Variants in EXOC6 observed in about 807,000 individuals in gnomAD.
EXOC6 encodes exocyst complex component 6.
A neutral mutation model predicts 112.5 loss-of-function variants in EXOC6; 60 were observed. The observed-to-expected ratio is 0.53, with a 90% CI of 0.43 to 0.66. The LOEUF is 0.66. EXOC6 is among the 30% of genes least tolerant of loss of function. EXOC6 has a pLI of 0.00. For synonymous variants in EXOC6, 295 were observed against 308.0 expected (o/e 0.96, Z 0.44); for missense variants, 855 against 957.1 (o/e 0.89, Z 1.41).
At chr10:93,009,428 C>T (rs890567555) in intron 19 of EXOC6, among the ~76,000 whole-genome samples, 4 of 152,084 alleles carry the variant, frequency 2.6e-5, no homozygotes, top group African/African-American at 9.7e-5. Context: ...CATTATAAGT[C>T]AGGCATTGCG....
chr10:92,904,306 G>A (rs1850328247), intron 5 of EXOC6, among the ~76,000 whole-genome samples: 1 of 151,954 alleles, frequency 6.6e-6, no homozygotes, highest in African/African-American at 2.4e-5. Flanking sequence ...AATTAATGTG[G>A]GTAAATACCT....
At chr10:92,886,422 TCACCTGATG>T (rs1849219902) in intron 1 of EXOC6, among the ~76,000 whole-genome samples, 1 of 152,218 alleles carries the variant, frequency 6.6e-6, no homozygotes, top group African/African-American at 2.4e-5. Context: ...TTGGTTGATT[TCACCTGATG>T]GGTGCAACAG....
rs1554882217 is a variant in EXOC6, at chr10:92,858,032, CG to C, written c.101+9399del. ...TTTTAGTTGACGGGTTCCCCCCCTC[CG>C]CCGGCCAGCAGTTTGAATATGTCTT... On this transcript the variant is annotated intron_variant, in intron 1 of 21. Coordinates refer to ENST00000260762, the MANE Select transcript of EXOC6 (RefSeq NM_019053.6). Among the ~76,000 whole-genome samples, 47 of 142,932 alleles carry C rather than the reference CG, an allele frequency of 3.3e-4. 4 individuals carry two copies. The highest frequency in any genetic ancestry group is 7.3e-4 in the South Asian group (3 of 4,112). 93.8% of individuals were successfully genotyped at this position (142,932 alleles called of 152,430 possible). A position where few individuals can be genotyped will look rare whatever the true frequency, so the allele number is the denominator to read the frequency against.
intron 1 of EXOC6, among the ~76,000 whole-genome samples, chr10:92,877,845 T>C (rs1481773586): frequency 6.6e-6 from 1 of 152,230 alleles, no homozygotes; most frequent in Non-Finnish European, 1.5e-5. Context: ...AAATATATTT[T>C]TGTCATTAGG....
chr10:92,845,832 G>A (rs372912518), upstream of EXOC6, among the ~76,000 whole-genome samples: 1 of 152,054 alleles, frequency 6.6e-6, no homozygotes, highest in South Asian at 2.1e-4. Flanking sequence ...CAGCTACTCC[G>A]GAGGCTGAGG....
intron 1 of EXOC6, among the ~76,000 whole-genome samples, chr10:92,872,318 T>G (rs1216407621): frequency 6.6e-6 from 1 of 152,090 alleles, no homozygotes; most frequent in Non-Finnish European, 1.5e-5. Context: ...TTGTTAAATT[T>G]TGCTACTAAT....
intron 20 of EXOC6, among the ~76,000 whole-genome samples, chr10:93,033,669 G>T (rs2134301711): frequency 6.6e-6 from 1 of 152,282 alleles, no homozygotes; most frequent in East Asian, 1.9e-4. Flanking sequence ...TTTGTTAGTG[G>T]ACTCCTAAAA....
chr10:92,945,025 G>A (rs140791633), intron 13 of EXOC6, among the ~76,000 whole-genome samples: 14 of 152,150 alleles, frequency 9.2e-5, no homozygotes, highest in Admixed American at 2.6e-4. Flanking sequence ...GCCTGCTTCC[G>A]CCTCCCAAAG....
chr10:93,006,193 A>G (rs2134207607), intron 19 of EXOC6, among the ~76,000 whole-genome samples: 1 of 150,948 alleles, frequency 6.6e-6, no homozygotes. Flanking sequence ...CTTAGCCAAA[A>G]AAGAAAAAAA....
chr10:92,859,820 C>CGTGTGTGTGT (rs1564779063), intron 1 of EXOC6, among the ~76,000 whole-genome samples: 1 of 103,412 alleles, frequency 9.7e-6, no homozygotes, highest in African/African-American at 3.7e-5. Flanking sequence ...CGTTTGTGTG[C>CGTGTGTGTGT]ATGTGTGTGT....
intron 20 of EXOC6, among the ~76,000 whole-genome samples, chr10:93,037,191 G>C (rs1845553037): frequency 6.8e-6 from 1 of 147,948 alleles, no homozygotes; most frequent in Non-Finnish European, 1.5e-5. Flanking sequence ...CGCCCAGGCT[G>C]GAGTGCAGTG....
At chr10:92,911,848 G>A (rs1850780580) in intron 6 of EXOC6, among the ~76,000 whole-genome samples, 1 of 150,848 alleles carries the variant, frequency 6.6e-6, no homozygotes. Flanking sequence ...AAGAAAAGTT[G>A]TATTTTTTCT....
At chr10:92,914,153 A>G (rs1457043534) in intron 6 of EXOC6, among the ~76,000 whole-genome samples, 4 of 152,176 alleles carry the variant, frequency 2.6e-5, no homozygotes, top group Non-Finnish European at 5.9e-5. Flanking sequence ...GCCTCCTGTC[A>G]GATCAGCGGC....
chr10:92,975,831 G>T (rs1842556278), intron 18 of EXOC6, among the ~76,000 whole-genome samples: 1 of 141,926 alleles, frequency 7.0e-6, no homozygotes, highest in African/African-American at 2.6e-5. Flanking sequence ...GCCCCGTCCG[G>T]GAGGTGAGGG....
intron 1 of EXOC6, among the ~76,000 whole-genome samples, chr10:92,828,359 A>T (rs184869851): frequency 6.6e-6 from 1 of 152,162 alleles, no homozygotes; most frequent in South Asian, 2.1e-4. Context: ...TGTTTTAATG[A>T]GTCTTGCTCT....
At chr10:92,841,385 G>C (rs1160156380) in intron 1 of EXOC6, among the ~76,000 whole-genome samples, 4 of 152,090 alleles carry the variant, frequency 2.6e-5, no homozygotes, top group African/African-American at 9.7e-5. Flanking sequence ...AGGGGAGAGA[G>C]GTGTCAATTT....
intron 15 of EXOC6, among the ~76,000 whole-genome samples, chr10:92,953,226 G>A (rs1158497082): frequency 3.3e-5 from 5 of 151,900 alleles, no homozygotes; most frequent in Admixed American, 2.0e-4. Flanking sequence ...CCACAGGTTC[G>A]CGCCACTGCT....
intron 2 of EXOC6, 101 bp from the exon 3 acceptor site, chr10:92,894,693 C>G (rs2133817034): frequency 1.1e-6 from 1 of 895,888 alleles, no homozygotes. Context: ...TTTCTTTGTT[C>G]TAAGTTTCTC....
chr10:92,936,229 G>A (rs1360767520), intron 12 of EXOC6, among the ~76,000 whole-genome samples: 3 of 152,190 alleles, frequency 2.0e-5, no homozygotes, highest in Non-Finnish European at 4.4e-5. Context: ...AGTGAGAAGT[G>A]GGTTCTAGAA....
Sources: allele counts gnomAD v4.1 joint callset (sites outside exome capture counted in the v4.1 genomes callset), GRCh38; gene constraint gnomAD v4.1.1; transcripts MANE v1.5; gene names NCBI Gene and HGNC (gene_info 2026-07-23, HGNC 2026-07-21).